The following CPXM2 variants were observed in gnomAD, a reference collection of about 807,000 sequenced individuals.
CPXM2 encodes the protein inactive carboxypeptidase-like protein X2.
Under a neutral mutation model 86.1 loss-of-function variants are expected in CPXM2, and 66 were observed. The observed-to-expected ratio is 0.77, with a 90% CI of 0.63 to 0.94. The LOEUF (loss-of-function observed/expected upper bound fraction) is 0.94, where lower values mean the gene tolerates loss of function less well. Among genes scored for constraint, CPXM2 ranks in the 40% least tolerant of loss-of-function variants. The probability of loss-of-function intolerance (pLI) is 0.00; values close to 1 mark genes in which losing one functional copy is unlikely to be tolerated. For missense variants in CPXM2, 948 were observed against 1,026.3 expected (o/e 0.92, Z 1.04); for synonymous variants, 388 against 400.2 (o/e 0.97, Z 0.36).
chr10:123,940,755 G>C (rs973978178), upstream of CPXM2, among the ~76,000 whole-genome samples: 1 of 152,162 alleles, frequency 6.6e-6, no homozygotes, highest in East Asian at 1.9e-4. Context: ...TTCCCACACC[G>C]GTGGGGCCCT....
chr10:123,867,144 A>C (rs145787057), intron 2 of CPXM2, among the ~76,000 whole-genome samples: 139 of 152,350 alleles, frequency 9.1e-4, no homozygotes, highest in African/African-American at 3.1e-3. Flanking sequence ...AAGAAGTTTA[A>C]GCATAAAGTA....
intron 13 of CPXM2, among the ~76,000 whole-genome samples, chr10:123,749,510 C>T (rs556777455): frequency 6.6e-6 from 1 of 152,334 alleles, no homozygotes; most frequent in African/African-American, 2.4e-5. Flanking sequence ...ATGGTGCTTA[C>T]TCCCTAAACC....
intron 13 of CPXM2, among the ~76,000 whole-genome samples, chr10:123,749,807 G>C (rs2133964939): frequency 6.6e-6 from 1 of 152,174 alleles, no homozygotes; most frequent in South Asian, 2.1e-4. Flanking sequence ...TTCGTTTCTT[G>C]TTTTGTTTTG....
chr10:123,889,678 G>A (rs926722563), intron 1 of CPXM2, among the ~76,000 whole-genome samples: 1 of 152,192 alleles, frequency 6.6e-6, no homozygotes, highest in African/African-American at 2.4e-5. Context: ...GGTGGCAGGT[G>A]CAGTCTTCCT....
upstream of CPXM2, among the ~76,000 whole-genome samples, chr10:123,893,582 G>A (rs1945307397): frequency 6.6e-6 from 1 of 152,160 alleles, no homozygotes; most frequent in African/African-American, 2.4e-5. Flanking sequence ...GGAATCCAGA[G>A]CCAGCAGAAG....
intron 11 of CPXM2, among the ~76,000 whole-genome samples, chr10:123,760,522 C>T (rs1846308164): frequency 6.6e-6 from 1 of 152,058 alleles, no homozygotes; most frequent in African/African-American, 2.4e-5. Flanking sequence ...TTTCTTTTCC[C>T]AAGGGTGGGA....
intron 2 of CPXM2, among the ~76,000 whole-genome samples, chr10:123,930,116 G>A (rs79697183): frequency 0.049 from 7,446 of 152,206 alleles, 286 homozygotes; most frequent in African/African-American, 0.11. Flanking sequence ...CCTGATACAC[G>A]AAGCACACTG....
chr10:123,769,113 A>C (rs1395885886), intron 8 of CPXM2, among the ~76,000 whole-genome samples: 1 of 152,230 alleles, frequency 6.6e-6, no homozygotes, highest in Non-Finnish European at 1.5e-5. Flanking sequence ...TAACAAAGAC[A>C]AATGAATATA....
Position 123,891,772 on chromosome 10 carries a change from C to G in CPXM2, c.-113G>C, listed in dbSNP as rs1945278857. 5 of 753,226 alleles carry G rather than the reference C, an allele frequency of 6.6e-6. No individual in the cohort carries two copies. In the South Asian group the frequency reaches 2.0e-4, roughly 30 times the overall value. The allele number at this position is 753,226 out of a possible 1,614,324, so 46.7% of individuals were successfully genotyped here. A position where few individuals can be genotyped will look rare whatever the true frequency, so the allele number is the denominator to read the frequency against. On this transcript the variant is annotated 5_prime_UTR_variant, in exon 1 of 14. Coordinates refer to ENST00000241305, the MANE Select transcript of CPXM2 (RefSeq NM_198148.3). This position sits in a 1 kb window ranked among gnomAD's most constrained non-coding sequence, Gnocchi z 5.6. ...GCGCAGGGCACAGCAGAGCGGCGCG[C>G]TTGGGCGCGGGAGGCGGCCGGCTGG...
At chr10:123,908,707 A>G (rs1226221622) in intron 2 of CPXM2, among the ~76,000 whole-genome samples, 2 of 152,186 alleles carry the variant, frequency 1.3e-5, no homozygotes, top group South Asian at 2.1e-4. Context: ...GGAGGTGGGC[A>G]GGATCTATCC....
chr10:123,863,205 C>G (rs116379083), intron 2 of CPXM2, among the ~76,000 whole-genome samples: 4,531 of 152,294 alleles, frequency 0.03, 224 homozygotes, highest in African/African-American at 0.1. Flanking sequence ...GAATAAAACA[C>G]CAGTGCTTGA....
intron 2 of CPXM2, among the ~76,000 whole-genome samples, chr10:123,908,678 A>G (rs562830664): frequency 1.4e-4 from 21 of 152,284 alleles, no homozygotes; most frequent in African/African-American, 4.6e-4. Flanking sequence ...ACAACTGAGC[A>G]GAGTTCTCCA....
chr10:123,781,937 C>A (rs969126979), intron 6 of CPXM2, among the ~76,000 whole-genome samples: 3 of 152,224 alleles, frequency 2.0e-5, no homozygotes, highest in Admixed American at 6.5e-5. Flanking sequence ...CCCTTGAGAA[C>A]AGCCCACTTG....
chr10:123,912,023 A>T (rs7907918), intron 2 of CPXM2, among the ~76,000 whole-genome samples: 1 of 151,766 alleles, frequency 6.6e-6, no homozygotes, highest in Non-Finnish European at 1.5e-5. Context: ...TTGGAAGAGG[A>T]CCAAGCGGGT....
chr10:123,893,566 C>T (rs1436533403), upstream of CPXM2, among the ~76,000 whole-genome samples: 2 of 152,182 alleles, frequency 1.3e-5, no homozygotes, highest in South Asian at 2.1e-4. Flanking sequence ...ACCCCCAGGA[C>T]GCTCTGGAAT....
chr10:123,849,083 T>C (rs950739024), intron 3 of CPXM2, among the ~76,000 whole-genome samples: 5 of 152,228 alleles, frequency 3.3e-5, no homozygotes, highest in African/African-American at 1.2e-4. Context: ...ATTTAGCCCA[T>C]TGACAGATGT....
intron 12 of CPXM2, among the ~76,000 whole-genome samples, chr10:123,756,803 G>A (rs955327581): frequency 2.0e-5 from 3 of 152,204 alleles, no homozygotes; most frequent in Admixed American, 6.5e-5. Context: ...ACAAGCCTCC[G>A]AGGACACCGA....
intron 2 of CPXM2, among the ~76,000 whole-genome samples, chr10:123,877,676 C>G (rs768275146): frequency 2.0e-5 from 3 of 152,174 alleles, no homozygotes; most frequent in Non-Finnish European, 4.4e-5. Flanking sequence ...GCAAAGGGAA[C>G]TAAAGAGTTA....
intron 2 of CPXM2, among the ~76,000 whole-genome samples, chr10:123,869,569 G>A (rs971507058): frequency 5.9e-5 from 9 of 152,204 alleles, no homozygotes; most frequent in African/African-American, 1.9e-4. Flanking sequence ...CTTAAAGAGA[G>A]TGCAGCTCTC....
Sources: gnomAD v4.1 joint callset for allele counts (sites outside exome capture counted in the v4.1 genomes callset) on GRCh38, gnomAD v4.1.1 for gene constraint, Gnocchi (gnomAD v3.1) non-coding constraint, MANE v1.5 for transcripts, NCBI Gene and HGNC (gene_info 2026-07-23, HGNC 2026-07-21) for gene names.